The following NSMCE1 variants were observed in gnomAD, a reference collection of about 807,000 sequenced individuals.
NSMCE1 encodes non-structural maintenance of chromosomes element 1 homolog.
A neutral mutation model predicts 29.6 loss-of-function variants in NSMCE1; 18 were observed. That is an observed-to-expected ratio of 0.61 (90% CI 0.42 to 0.90). The LOEUF (loss-of-function observed/expected upper bound fraction) is 0.90, where lower values mean the gene tolerates loss of function less well. NSMCE1 is among the 40% of genes least tolerant of loss of function. The pLI is 0.00. For missense variants in NSMCE1, 314 were observed against 343.6 expected, an observed-to-expected ratio of 0.91 and a Z score of 0.68; for synonymous variants, 124 against 133.4, an observed-to-expected ratio of 0.93 and a Z score of 0.49.
At chr16:27,230,065 G>A (rs538478006) in intron 5 of NSMCE1, among the ~76,000 whole-genome samples, 79 of 152,200 alleles carry the variant, frequency 5.2e-4, no homozygotes, top group African/African-American at 1.7e-3. Context: ...TCAGGACCTC[G>A]TGTAGGGAGC....
Position 27,233,039 on chromosome 16 carries a change from C to A in NSMCE1, c.445G>T (p.Val149Leu), listed in dbSNP as rs766587991. The change falls in exon 5 of 8, where the codon GTG becomes TTG. Residue 149 changes from valine to leucine, a missense_variant. By Grantham distance (32) the Val-to-Leu change is conservative. Coordinates refer to ENST00000361439, the MANE Select transcript of NSMCE1 (RefSeq NM_145080.4). ...KKMRKKEAEQ[V>L]LQKFVQNKWL... is the part of the protein sequence containing the mutation. ...TTGTTTTGAACAAACTTCTGCAGCACCTGCTCCGCTTCCTTCTTCCTCATC... is the reference window on the plus strand; with the variant it reads ...TTGTTTTGAACAAACTTCTGCAGCAACTGCTCCGCTTCCTTCTTCCTCATC... 5.6e-6 allele frequency: 9 copies of A among 1,614,222 alleles called. No individual in the cohort carries two copies. Among genetic ancestry groups the A allele is most frequent in the Non-Finnish European group, 6.8e-6 (8 of 1,180,002 alleles).
chr16:27,248,524 C>T (rs2083984031), intron 2 of NSMCE1, among the ~76,000 whole-genome samples: 1 of 150,542 alleles, frequency 6.6e-6, no homozygotes, highest in African/African-American at 2.4e-5. Flanking sequence ...AATTCTCCTG[C>T]CTCAGCCTCC....
chr16:27,266,334 G>A (rs2084224603), intron 1 of NSMCE1: 1 of 152,264 alleles, frequency 6.6e-6, no homozygotes, highest in East Asian at 1.9e-4. Flanking sequence ...AAAAGTAGGA[G>A]TGGAAGAAAG....
intron 2 of NSMCE1, among the ~76,000 whole-genome samples, chr16:27,254,278 T>C (rs1365528744): frequency 6.6e-6 from 1 of 152,178 alleles, no homozygotes; most frequent in African/African-American, 2.4e-5. Flanking sequence ...TAGGACAAAA[T>C]AGATTGTTCT....
In NSMCE1 at chr16:27,233,037, C is replaced by G. The variant is rs776348231; in HGVS notation, c.447G>C (p.Val149=). The G allele has an allele frequency of 2.5e-6, 4 of 1,614,098 alleles. No individual in the cohort carries two copies. The highest frequency in any genetic ancestry group is 3.4e-6 in the Non-Finnish European group (4 of 1,180,022). ...ACTTGTTTTGAACAAACTTCTGCAG[C>G]ACCTGCTCCGCTTCCTTCTTCCTCA... The part of the protein sequence containing the change: ...KKMRKKEAEQ[V]LQKFVQNKWL... The change falls in exon 5 of 8, where the codon GTG becomes GTC. Residue 149 remains valine (V), a synonymous_variant. Transcript: ENST00000361439.
chr16:27,258,582 A>G (rs1027905620), intron 1 of NSMCE1, among the ~76,000 whole-genome samples: 11 of 152,128 alleles, frequency 7.2e-5, no homozygotes, highest in African/African-American at 2.4e-4. Flanking sequence ...TTTAGCTAAC[A>G]ATGCTCAGCC....
chr16:27,232,540 C>A lies in NSMCE1; in HGVS notation c.483+461G>T, dbSNP rs2083773044. Among the ~76,000 whole-genome samples, 4 of 152,268 alleles carry A rather than the reference C, an allele frequency of 2.6e-5. No individual in the cohort carries two copies. On this transcript the variant is annotated intron_variant, in intron 5 of 7. Coordinates refer to ENST00000361439, the MANE Select transcript of NSMCE1 (RefSeq NM_145080.4). The surrounding 1 kb of genome is among the most constrained non-coding windows in gnomAD (Gnocchi z 4.5). ...CCCCCGCGAGCCAGCCAGCCTAGCA[C>A]CGAGCACATTACTGTGAGGTCCCAT...
At chr16:27,239,800 T>C (rs920078639) in intron 2 of NSMCE1, among the ~76,000 whole-genome samples, 3 of 152,154 alleles carry the variant, frequency 2.0e-5, no homozygotes, top group East Asian at 1.9e-4. Context: ...ATCAAGCAAG[T>C]TGAACCTCTA....
intron 4 of NSMCE1, 141 bp downstream of exon 4, chr16:27,234,047 G>A: frequency 1.5e-6 from 1 of 650,402 alleles, no homozygotes. Context: ...ACATCTCCCT[G>A]CAAAGCCTTT....
At chr16:27,248,406 C>CTTTTTTTTTTTTTTT (rs756697569) in intron 2 of NSMCE1, among the ~76,000 whole-genome samples, 1 of 84,764 alleles carries the variant, frequency 1.2e-5, no homozygotes, top group Admixed American at 1.4e-4. Flanking sequence ...TTTTAGTTTG[C>CTTTTTTTTTTTTTTT]TTTTTTTTTT....
intron 2 of NSMCE1, among the ~76,000 whole-genome samples, chr16:27,248,685 A>C (rs2083986751): frequency 1.3e-5 from 2 of 152,174 alleles, no homozygotes; most frequent in African/African-American, 4.8e-5. Flanking sequence ...CTGGGATTAC[A>C]GGTGTGAGCC....
At chr16:27,257,890 T>C (rs1188974581) in intron 1 of NSMCE1, among the ~76,000 whole-genome samples, 1 of 152,134 alleles carries the variant, frequency 6.6e-6, no homozygotes, top group Non-Finnish European at 1.5e-5. Context: ...GTGGGACTAA[T>C]GATAGAAACG....
At chr16:27,242,550 G>A (rs1056831133) in intron 2 of NSMCE1, among the ~76,000 whole-genome samples, 2 of 152,146 alleles carry the variant, frequency 1.3e-5, no homozygotes, top group African/African-American at 4.8e-5. Flanking sequence ...TGGTGATGGG[G>A]ACATCCACTT....
At chr16:27,255,107 T>C (rs2084073197) in intron 2 of NSMCE1, among the ~76,000 whole-genome samples, 1 of 152,014 alleles carries the variant, frequency 6.6e-6, no homozygotes, top group African/African-American at 2.4e-5. Context: ...CTTGAACTCC[T>C]GACCTCAGGT....
chr16:27,227,783 CTTTTTTTTTT>C (rs1239133211), intron 5 of NSMCE1, among the ~76,000 whole-genome samples: 2 of 65,972 alleles, frequency 3.0e-5, no homozygotes, highest in African/African-American at 4.2e-5. Flanking sequence ...CTTTTCTTTT[CTTTTTTTTTT>C]TTTTTTTTTG....
At chr16:27,241,742 C>T (rs548986003) in intron 2 of NSMCE1, 36 of 363,586 alleles carry the variant, frequency 9.9e-5, no homozygotes, top group Non-Finnish European at 1.7e-4. Flanking sequence ...AGTGACGAAC[C>T]GTCCTCTCCA....
intron 1 of NSMCE1, among the ~76,000 whole-genome samples, chr16:27,265,782 A>T (rs1340800951): frequency 6.6e-6 from 1 of 152,244 alleles, no homozygotes; most frequent in Non-Finnish European, 1.5e-5. Flanking sequence ...CAAGTCACAC[A>T]AAATATATTT....
intron 1 of NSMCE1, among the ~76,000 whole-genome samples, chr16:27,259,126 C>T (rs1246846975): frequency 6.6e-6 from 1 of 152,172 alleles, no homozygotes; most frequent in Non-Finnish European, 1.5e-5. Context: ...GTCCCTCCAA[C>T]TGCCTGCTAG....
chr16:27,268,273 G>C (rs2084250508), intron 1 of NSMCE1: 1 of 152,150 alleles, frequency 6.6e-6, no homozygotes, highest in Non-Finnish European at 1.5e-5. Context: ...AAAACAGAGG[G>C]GAGCACGGAG....
Sources: gnomAD v4.1 joint callset for allele counts (sites outside exome capture counted in the v4.1 genomes callset) on GRCh38, gnomAD v4.1.1 for gene constraint, Gnocchi (gnomAD v3.1) non-coding constraint, MANE v1.5 for transcripts, NCBI Gene and HGNC (gene_info 2026-07-23, HGNC 2026-07-21) for gene names.